Variants in POU6F2 observed in about 807,000 individuals in gnomAD.
POU6F2 encodes the protein POU class 6 homeobox 2, also known as POU domain, class 6, transcription factor 2.
A neutral mutation model predicts 71.3 loss-of-function variants in POU6F2; 31 were observed. The observed-to-expected ratio is 0.43, with a 90% confidence interval of 0.33 to 0.59. The LOEUF (loss-of-function observed/expected upper bound fraction) is 0.59. POU6F2 is among the 20% of genes least tolerant of loss of function. POU6F2 has a pLI of 0.04. For missense variants in POU6F2, 783 were observed against 856.8 expected (o/e 0.91, Z 1.07); for synonymous variants, 347 against 355.7 (o/e 0.98, Z 0.27).
chr7:39,028,464 C>G (rs1254078265), intron 1 of POU6F2, among the ~76,000 whole-genome samples: 2 of 152,026 alleles, frequency 1.3e-5, no homozygotes, highest in African/African-American at 4.8e-5. Flanking sequence ...GTCTTAATTA[C>G]TACTGCCTCA....
At chr7:39,032,069 G>T (rs1789957301) in intron 1 of POU6F2, among the ~76,000 whole-genome samples, 1 of 152,108 alleles carries the variant, frequency 6.6e-6, no homozygotes, top group South Asian at 2.1e-4. Context: ...CTTAAAGGAT[G>T]GCACCTTTCT....
intron 1 of POU6F2, among the ~76,000 whole-genome samples, chr7:39,060,876 C>T (rs1256668287): frequency 6.6e-6 from 1 of 151,646 alleles, no homozygotes; most frequent in Non-Finnish European, 1.5e-5. Flanking sequence ...GAGTTCAAGG[C>T]TGTAGGGTGC....
At chr7:39,005,551 G>T (rs374514964) in intron 1 of POU6F2, among the ~76,000 whole-genome samples, 1 of 135,604 alleles carries the variant, frequency 7.4e-6, no homozygotes, top group African/African-American at 2.6e-5. Flanking sequence ...TGTGCGTGCA[G>T]GCATGTGTGC....
chr7:39,452,612 A>G (rs1380299849), intron 8 of POU6F2, among the ~76,000 whole-genome samples: 1 of 152,248 alleles, frequency 6.6e-6, no homozygotes, highest in Non-Finnish European at 1.5e-5. Context: ...GGATCCTCAC[A>G]TATCATGGGG....
At chr7:39,166,203 G>T (rs1793112792) in intron 2 of POU6F2, among the ~76,000 whole-genome samples, 1 of 152,192 alleles carries the variant, frequency 6.6e-6, no homozygotes, top group Admixed American at 6.5e-5. Context: ...CAAAACCTAA[G>T]ACATTTTATC....
At chr7:39,112,131 T>C (rs1227196211) in intron 2 of POU6F2, among the ~76,000 whole-genome samples, 1 of 152,210 alleles carries the variant, frequency 6.6e-6, no homozygotes, top group African/African-American at 2.4e-5. Context: ...AGTACCTGAC[T>C]TCTCACCTGT....
At chr7:39,239,043 C>CAAGG (rs1794728021) in intron 4 of POU6F2, among the ~76,000 whole-genome samples, 1 of 152,134 alleles carries the variant, frequency 6.6e-6, no homozygotes, top group South Asian at 2.1e-4. Flanking sequence ...ACCTCCATTA[C>CAAGG]TTAGCACAAG....
At chr7:39,242,420 G>A (rs369028146) in intron 4 of POU6F2, among the ~76,000 whole-genome samples, 13 of 149,764 alleles carry the variant, frequency 8.7e-5, no homozygotes, top group African/African-American at 3.0e-4. Context: ...TTTAGCCATC[G>A]CACTAAGCAT....
Position 39,464,531 on chromosome 7 carries a change from G to T in POU6F2, c.2008G>T (p.Ala670Ser). The change falls in exon 10 of 10, where the codon GCT (alanine) becomes TCT (serine). Residue 670 changes from alanine (A) to serine (S), a missense_variant. Physicochemically the swap from Ala to Ser is moderately conservative, Grantham distance 99. Around this residue, in one of 2 missense-constraint regions of POU6F2, gnomAD observed 211 missense variants for 283.9 expected, o/e 0.74. Transcript: ENST00000518318. The surrounding 1 kb of genome is among the most constrained non-coding windows in gnomAD (Gnocchi z 4.1). ...HPSGQEMTEIAEKLNYDREVV... is the reference protein window; with the variant it reads ...HPSGQEMTEISEKLNYDREVV... ...TTCTGGGCAGGAAATGACCGAAATT[G>T]CTGAGAAGCTGAACTATGACCGAGA... 1 of 1,613,362 alleles carries T rather than the reference G, an allele frequency of 6.2e-7. No homozygotes were observed. The highest frequency in any genetic ancestry group is 8.5e-7 in the Non-Finnish European group (1 of 1,179,620).
chr7:39,332,600 G>A (rs1249483934), intron 4 of POU6F2, among the ~76,000 whole-genome samples: 1 of 152,164 alleles, frequency 6.6e-6, no homozygotes, highest in Admixed American at 6.5e-5. Flanking sequence ...CTTTCTCTCA[G>A]AACTTTGAAG....
chr7:39,111,559 A>G (rs1050651951), intron 2 of POU6F2, among the ~76,000 whole-genome samples: 29 of 152,304 alleles, frequency 1.9e-4, no homozygotes, highest in Non-Finnish European at 1.5e-4. Context: ...ATGAATTTTC[A>G]TATTTTATAG....
At chr7:39,056,434 C>T (rs1018637975) in intron 1 of POU6F2, among the ~76,000 whole-genome samples, 3 of 151,988 alleles carry the variant, frequency 2.0e-5, no homozygotes, top group Non-Finnish European at 4.4e-5. Context: ...GAACATAATG[C>T]TTTAAATTGC....
At chr7:39,033,858 T>G (rs1347065859) in intron 1 of POU6F2, among the ~76,000 whole-genome samples, 3 of 152,248 alleles carry the variant, frequency 2.0e-5, no homozygotes, top group Non-Finnish European at 4.4e-5. Context: ...AGGGTACTGT[T>G]ATTTGTGTAA....
intron 6 of POU6F2, among the ~76,000 whole-genome samples, chr7:39,425,865 C>T (rs1239313054): frequency 6.6e-6 from 1 of 152,214 alleles, no homozygotes; most frequent in Non-Finnish European, 1.5e-5. Context: ...CAGCCCCTTT[C>T]AGCCTTCTCA....
intron 6 of POU6F2, among the ~76,000 whole-genome samples, chr7:39,415,148 C>T (rs1380887197): frequency 1.1e-4 from 17 of 152,122 alleles, no homozygotes; most frequent in African/African-American, 2.4e-5. Context: ...TTCAGCCTCC[C>T]GAGTAGCTGG....
intron 4 of POU6F2, among the ~76,000 whole-genome samples, chr7:39,286,736 T>C (rs1458760499): frequency 1.3e-5 from 2 of 152,166 alleles, no homozygotes; most frequent in African/African-American, 4.8e-5. Context: ...TTTCATAGAA[T>C]GTTAAAAGGT....
intron 3 of POU6F2, among the ~76,000 whole-genome samples, chr7:39,205,016 C>T (rs1793981693): frequency 6.7e-6 from 1 of 149,698 alleles, no homozygotes; most frequent in Non-Finnish European, 1.5e-5. Context: ...CTTTTATTGT[C>T]ATTATTGCTC....
At chr7:39,045,593 C>T (rs555192475) in intron 1 of POU6F2, among the ~76,000 whole-genome samples, 7 of 151,316 alleles carry the variant, frequency 4.6e-5, no homozygotes, top group Admixed American at 4.0e-4. Flanking sequence ...GCTGTACATT[C>T]ACTCATTCAA....
At chr7:39,231,842 C>G (rs1794582511) in intron 4 of POU6F2, among the ~76,000 whole-genome samples, 1 of 152,232 alleles carries the variant, frequency 6.6e-6, no homozygotes, top group African/African-American at 2.4e-5. Context: ...TATTTATCTA[C>G]TAAAAGTTGG....
Sources: allele counts gnomAD v4.1 joint callset (sites outside exome capture counted in the v4.1 genomes callset), GRCh38; gene constraint gnomAD v4.1.1; regional missense constraint gnomAD v4.1.1; non-coding constraint Gnocchi (gnomAD v3.1); transcripts MANE v1.5; gene names NCBI Gene and HGNC (gene_info 2026-07-23, HGNC 2026-07-21).